The following PCDHGA8 variants were observed in gnomAD, a reference collection of about 807,000 sequenced individuals.
PCDHGA8 encodes the protein protocadherin gamma-A8.
In PCDHGA8, 45 loss-of-function variants were observed where a neutral mutation model predicts 59.2. That is an observed-to-expected ratio of 0.76 (90% CI 0.60 to 0.98). The LOEUF is 0.98. PCDHGA8 is among the 50% of genes least tolerant of loss of function. The pLI is 0.00. For synonymous variants in PCDHGA8, 531 were observed against 519.0 expected (o/e 1.02, Z -0.32); for missense variants, 1,257 against 1,196.2 (o/e 1.05, Z -0.75).
At chr5:141,428,147 G>A (rs771536400) in intron 1 of PCDHGA8, 2 of 1,589,610 alleles carry the variant, frequency 1.3e-6, no homozygotes, top group Admixed American at 1.7e-5. Context: ...GGCTGCACAC[G>A]GGAACCTGCT....
At chr5:141,444,358 A>T (rs2098433774) in intron 1 of PCDHGA8, among the ~76,000 whole-genome samples, 1 of 151,436 alleles carries the variant, frequency 6.6e-6, no homozygotes, top group Non-Finnish European at 1.5e-5. Context: ...TTTAGTAGAG[A>T]CGGGGTTTCT....
intron 1 of PCDHGA8, among the ~76,000 whole-genome samples, chr5:141,452,909 T>C (rs1408054133): frequency 6.6e-6 from 1 of 152,232 alleles, no homozygotes; most frequent in Non-Finnish European, 1.5e-5. Flanking sequence ...GTTGGCATTA[T>C]ACAGTAAGAA....
At chr5:141,408,990 AAGTGAC>A (rs769374488) in intron 1 of PCDHGA8, 2 of 1,613,984 alleles carry the variant, frequency 1.2e-6, no homozygotes, top group Non-Finnish European at 1.7e-6. Flanking sequence ...CCTGTGTTGC[AAGTGAC>A]AGCCACTGAC....
At position 141,485,662 on chromosome 5, in the gene PCDHGA8, G is replaced by T. The variant is rs778404230; in HGVS notation, c.2425-9145G>T. ...AAAAGGCTCAGGATGCAGATGTGGG[G>T]AGCAATTCGATTAGCAGCTATAGGC... On this transcript the variant is annotated intron_variant, in intron 1 of 3. Coordinates refer to ENST00000398604, the MANE Select transcript of PCDHGA8 (RefSeq NM_032088.2). This position sits in a 1 kb window ranked among gnomAD's most constrained non-coding sequence, Gnocchi z 5.7. The T allele has an allele frequency of 1.1e-5, 18 of 1,612,748 alleles. No individual in the cohort carries two copies. The South Asian group carries it at 1.9e-4, about 17-fold the overall frequency.
chr5:141,399,677 A>G, intron 1 of PCDHGA8: 1 of 1,613,540 alleles, frequency 6.2e-7, no homozygotes, highest in Non-Finnish European at 8.5e-7. Flanking sequence ...CGCGCCTTTG[A>G]CTACGAGCAG....
At chr5:141,399,557 TG>T in intron 1 of PCDHGA8, 1 of 1,613,968 alleles carries the variant, frequency 6.2e-7, no homozygotes, top group Non-Finnish European at 8.5e-7. Context: ...GACCTGGACT[TG>T]GGGTTGAACG....
Position 141,394,683 on chromosome 5 carries a change from G to A in PCDHGA8, c.1870G>A (p.Gly624Ser), listed in dbSNP as rs1008097766. ...ACTCTTCTCGGTGGGTCTGCACACG[G>A]GCGAGGTGCGCACGGCGCGAGCCCT... ...PGLFSVGLHT[G>S]EVRTARALLD... The change falls in exon 1 of 4, where the codon GGC (glycine) becomes AGC (serine). Residue 624 changes from glycine (G) to serine (S), a missense_variant. Coordinates refer to ENST00000398604, the MANE Select transcript of PCDHGA8 (RefSeq NM_032088.2). 5 of 1,611,630 alleles carry A rather than the reference G, an allele frequency of 3.1e-6. No homozygotes were observed. In the African/African-American group the frequency reaches 5.4e-5, roughly 17 times the overall value.
chr5:141,392,699 T>C lies in PCDHGA8; in HGVS notation c.-115T>C. 2.4e-6 allele frequency: 3 copies of C among 1,248,768 alleles called. No homozygotes were observed. Among genetic ancestry groups the C allele is most frequent in the South Asian group, 3.3e-5 (2 of 60,434 alleles). The allele number at this position is 1,248,768 out of a possible 1,614,324, so 77.4% of individuals were successfully genotyped here. On this transcript the variant is annotated 5_prime_UTR_variant, in exon 1 of 4. Coordinates refer to ENST00000398604, the MANE Select transcript of PCDHGA8 (RefSeq NM_032088.2). ...GACTGCAGCGAAACCCGACCCCTGT[T>C]TGGAGGCACTCCAGGTTTCCGGAGG...
chr5:141,452,364 A>G (rs1330623001), intron 1 of PCDHGA8, among the ~76,000 whole-genome samples: 1 of 152,188 alleles, frequency 6.6e-6, no homozygotes, highest in African/African-American at 2.4e-5. Flanking sequence ...GCCTTGCTTC[A>G]TTTTAGTAGG....
intron 2 of PCDHGA8, 99 bp from the exon 3 acceptor site, chr5:141,505,294 G>T: frequency 6.4e-7 from 1 of 1,572,086 alleles, no homozygotes; most frequent in Non-Finnish European, 8.6e-7. Context: ...GCATGGGGTA[G>T]GGTTAGGGTA....
At chr5:141,398,483 T>A (rs754131866) in intron 1 of PCDHGA8, 1 of 1,608,486 alleles carries the variant, frequency 6.2e-7, no homozygotes, top group Non-Finnish European at 8.5e-7. Flanking sequence ...TTTTATCACG[T>A]GAATGTGGAG....
Position 141,489,492 on chromosome 5 carries a change from G to T in PCDHGA8, c.2425-5315G>T, listed in dbSNP as rs1258376136. On this transcript the variant is annotated intron_variant, in intron 1 of 3. Coordinates refer to ENST00000398604, the MANE Select transcript of PCDHGA8 (RefSeq NM_032088.2). The surrounding 1 kb of genome is among the most constrained non-coding windows in gnomAD (Gnocchi z 4.5). ...CCCTGAGCTTGATGAGTGGTGCCCT[G>T]GCAGTGAATCAAAAGATTGACCGAG... 1 of 1,614,042 alleles carries T rather than the reference G, an allele frequency of 6.2e-7. No individual in the cohort carries two copies. The highest frequency in any genetic ancestry group is 1.1e-5 in the South Asian group (1 of 91,078).
At position 141,489,397 on chromosome 5, in the gene PCDHGA8, G is replaced by A. The variant is rs1307106048; in HGVS notation, c.2425-5410G>A. 2.5e-6 allele frequency: 4 copies of A among 1,614,058 alleles called. No homozygotes were observed. The highest frequency in any genetic ancestry group is 2.7e-5 in the African/African-American group (2 of 74,914). ...GGTGGGGAATGTTGCTCAGGATCTG[G>A]GCTTAAAGATGACAGATCTGTTGAG... On this transcript the variant is annotated intron_variant, in intron 1 of 3. Transcript: ENST00000398604. This position sits in a 1 kb window ranked among gnomAD's most constrained non-coding sequence, Gnocchi z 4.5.
chr5:141,398,854 A>C, intron 1 of PCDHGA8: 1 of 1,613,984 alleles, frequency 6.2e-7, no homozygotes, highest in Non-Finnish European at 8.5e-7. Flanking sequence ...CCCGGTATTC[A>C]ACCGAGACGT....
chr5:141,431,216 C>A lies in PCDHGA8; in HGVS notation c.2424+35979C>A. On this transcript the variant is annotated intron_variant, in intron 1 of 3. Coordinates refer to ENST00000398604, the MANE Select transcript of PCDHGA8 (RefSeq NM_032088.2). The surrounding 1 kb of genome is among the most constrained non-coding windows in gnomAD (Gnocchi z 4.8). ...AAATGCAGCCACTGAGATGCGGTTC[C>A]CTCTACCCCACGCCTGGGATCCGGA... The A allele has an allele frequency of 6.2e-7, 1 of 1,614,162 alleles. No homozygotes were observed. The highest frequency in any genetic ancestry group is 8.5e-7 in the Non-Finnish European group (1 of 1,180,048).
At chr5:141,415,467 C>T (rs754252558) in intron 1 of PCDHGA8, 2 of 1,614,080 alleles carry the variant, frequency 1.2e-6, no homozygotes, top group African/African-American at 1.3e-5. Context: ...TCTCTCTCAC[C>T]GCGGACTCGC....
Position 141,419,681 on chromosome 5 carries a change from G to A in PCDHGA8, c.2424+24444G>A, listed in dbSNP as rs377117997. ...GCACAATGCCTGGCTGTCCTACCACGTGGTGCAGGCCAGTGAGCCCGGGCT... is the reference window on the plus strand; with the variant it reads ...GCACAATGCCTGGCTGTCCTACCACATGGTGCAGGCCAGTGAGCCCGGGCT... On this transcript the variant is annotated intron_variant, in intron 1 of 3. Coordinates refer to ENST00000398604, the MANE Select transcript of PCDHGA8 (RefSeq NM_032088.2). 76 of 1,612,904 alleles carry A rather than the reference G, an allele frequency of 4.7e-5. No homozygotes were observed. The highest frequency in any genetic ancestry group is 5.7e-5 in the Non-Finnish European group (67 of 1,179,706).
chr5:141,425,897 A>G (rs893972047), intron 1 of PCDHGA8, among the ~76,000 whole-genome samples: 1 of 152,240 alleles, frequency 6.6e-6, no homozygotes, highest in African/African-American at 2.4e-5. Context: ...TTTGGTAGTA[A>G]ACACTGGAAA....
rs2095330785 is a variant in PCDHGA8 at position 141,409,884 on chromosome 5, G to C, written c.2424+14647G>C. The C allele has an allele frequency of 1.9e-6, 3 of 1,612,952 alleles. No individual in the cohort carries two copies. In the South Asian group the frequency reaches 3.3e-5, roughly 18 times the overall value. On this transcript the variant is annotated intron_variant, in intron 1 of 3. Transcript: ENST00000398604. ...GGAGACCGCAATGACAACGCACCGC[G>C]GGTGCTGTACCCAGCTCTGGGTCCT...
Sources: allele counts gnomAD v4.1 joint callset (sites outside exome capture counted in the v4.1 genomes callset), GRCh38; gene constraint gnomAD v4.1.1; non-coding constraint Gnocchi (gnomAD v3.1); transcripts MANE v1.5; gene names NCBI Gene and HGNC (gene_info 2026-07-23, HGNC 2026-07-21).